PDZD2: variants seen among roughly 807,000 people sequenced by gnomAD.
The protein encoded by PDZD2 is PDZ domain containing 2, also known as PDZ domain-containing protein 2.
PDZD2 carries 90 observed loss-of-function variants against 220.7 expected under a neutral mutation model. The observed-to-expected ratio is 0.41, with a 90% CI of 0.34 to 0.49. The LOEUF (loss-of-function observed/expected upper bound fraction) is 0.49. Among genes scored for constraint, PDZD2 ranks in the 20% least tolerant of loss-of-function variants. The pLI is 0.28. For synonymous variants in PDZD2, 1,375 were observed against 1,450.5 expected, an observed-to-expected ratio of 0.95 and a Z score of 1.18; for missense variants, 3,174 against 3,608.5, an observed-to-expected ratio of 0.88 and a Z score of 3.08.
chr5:31,705,553 C>G (rs963991660), intron 1 of PDZD2, among the ~76,000 whole-genome samples: 2 of 152,106 alleles, frequency 1.3e-5, no homozygotes, highest in Middle Eastern at 3.2e-3. Context: ...GTAACTCCAT[C>G]TAATTATTGT....
chr5:32,003,177 TACACCAC>T (rs1752438180), intron 5 of PDZD2, among the ~76,000 whole-genome samples: 1 of 30,560 alleles, frequency 3.3e-5, no homozygotes, highest in South Asian at 1.3e-3. Context: ...CCACACACCA[TACACCAC>T]ACACACACTA....
intron 2 of PDZD2, among the ~76,000 whole-genome samples, chr5:31,980,166 C>T (rs1220153540): frequency 6.6e-6 from 1 of 152,106 alleles, no homozygotes; most frequent in East Asian, 1.9e-4. Context: ...TTTCCTTCAC[C>T]CCCACAAAAC....
chr5:32,051,445 T>C (rs926039479), intron 8 of PDZD2, among the ~76,000 whole-genome samples: 1 of 152,236 alleles, frequency 6.6e-6, no homozygotes, highest in Non-Finnish European at 1.5e-5. Flanking sequence ...GAATGTAGTA[T>C]ACACAGAGAT....
At chr5:31,759,728 T>G (rs1194181234) in intron 1 of PDZD2, among the ~76,000 whole-genome samples, 1 of 151,928 alleles carries the variant, frequency 6.6e-6, no homozygotes, top group Non-Finnish European at 1.5e-5. Flanking sequence ...GTATTTTTAG[T>G]AGAGACGGGT....
intron 5 of PDZD2, among the ~76,000 whole-genome samples, chr5:32,009,114 G>A (rs2112072666): frequency 6.6e-6 from 1 of 152,264 alleles, no homozygotes; most frequent in South Asian, 2.1e-4. Context: ...GGAAGCCAAG[G>A]CAGGCAGATC....
intron 2 of PDZD2, among the ~76,000 whole-genome samples, chr5:31,859,659 T>C (rs1737500456): frequency 6.6e-6 from 1 of 152,190 alleles, no homozygotes; most frequent in Admixed American, 6.5e-5. Context: ...TTGTTTGCTT[T>C]TGGTTTTTAA....
intron 2 of PDZD2, chr5:31,848,062 C>G (rs62360845): frequency 2.8e-6 from 1 of 361,668 alleles, no homozygotes; most frequent in Non-Finnish European, 5.3e-6. Context: ...AGAGGTGGAA[C>G]TATCCCAAAA....
Position 32,087,601 on chromosome 5 carries a change from G to T in PDZD2, c.4153G>T (p.Val1385Leu), listed in dbSNP as rs371289704. The change falls in exon 20 of 25, where the codon GTG becomes TTG. Residue 1385 changes from valine to leucine, a missense_variant. Around this residue, in one of 4 missense-constraint regions of PDZD2, gnomAD observed 1,861 missense variants for 2,001.0 expected, o/e 0.93. Coordinates refer to ENST00000438447, the MANE Select transcript of PDZD2 (RefSeq NM_178140.4). The surrounding 1 kb of genome is among the most constrained non-coding windows in gnomAD (Gnocchi z 4.0). The part of the protein sequence containing the change: ...EPSLLEGADS[V>L]SSRAPQASLS... ...TTCCCTGCTGGAGGGAGCAGATTCT[G>T]TGTCCTCAAGGGCACCGCAGGCCAG... 2 of 1,614,132 alleles carry T rather than the reference G, an allele frequency of 1.2e-6. No homozygotes were observed. The highest frequency in any genetic ancestry group is 1.7e-6 in the Non-Finnish European group (2 of 1,180,002).
intron 6 of PDZD2, among the ~76,000 whole-genome samples, chr5:32,016,379 G>T (rs551073947): frequency 1.3e-5 from 2 of 152,196 alleles, no homozygotes; most frequent in Non-Finnish European, 2.9e-5. Context: ...TTGTTTCGGG[G>T]TTGACCTGGT....
At chr5:32,102,156 C>T (rs1744307602) in intron 24 of PDZD2, among the ~76,000 whole-genome samples, 1 of 151,830 alleles carries the variant, frequency 6.6e-6, no homozygotes, top group Admixed American at 6.6e-5. Context: ...AAAAAAAAAC[C>T]CCTCTATGGA....
intron 2 of PDZD2, among the ~76,000 whole-genome samples, chr5:31,949,096 T>TGA (rs1746935866): frequency 2.5e-5 from 1 of 39,830 alleles, no homozygotes; most frequent in Non-Finnish European, 4.4e-5. Context: ...AGACTCTGTC[T>TGA]CAAAAAAAAA....
chr5:31,964,615 T>C (rs566392217), intron 2 of PDZD2, among the ~76,000 whole-genome samples: 3 of 152,356 alleles, frequency 2.0e-5, no homozygotes, highest in African/African-American at 4.8e-5. Context: ...AGCTAAGTCC[T>C]GTCCATTCCT....
chr5:31,787,197 A>G (rs1315571508), intron 1 of PDZD2, among the ~76,000 whole-genome samples: 5 of 152,228 alleles, frequency 3.3e-5, no homozygotes, highest in African/African-American at 9.6e-5. Flanking sequence ...TCAATTACCT[A>G]TTCAGTAGAT....
intron 1 of PDZD2, among the ~76,000 whole-genome samples, chr5:31,786,498 A>G (rs1374240356): frequency 6.6e-6 from 1 of 152,236 alleles, no homozygotes; most frequent in Non-Finnish European, 1.5e-5. Context: ...GCACATAAAT[A>G]TAAAACCACC....
At chr5:31,803,444 A>C (rs1174864976) in intron 2 of PDZD2, among the ~76,000 whole-genome samples, 1 of 151,834 alleles carries the variant, frequency 6.6e-6, no homozygotes, top group Non-Finnish European at 1.5e-5. Flanking sequence ...GAAGGAACAG[A>C]GGAGGCAGGG....
chr5:31,986,495 A>G (rs1750730794), intron 3 of PDZD2, among the ~76,000 whole-genome samples: 1 of 152,142 alleles, frequency 6.6e-6, no homozygotes, highest in African/African-American at 2.4e-5. Flanking sequence ...GCTTTCCCCC[A>G]CATTCTGATG....
intron 2 of PDZD2, among the ~76,000 whole-genome samples, chr5:31,825,672 G>T (rs1189690039): frequency 6.6e-6 from 1 of 152,134 alleles, no homozygotes; most frequent in Non-Finnish European, 1.5e-5. Context: ...TGAATTCCCA[G>T]TGGCCTCTGG....
At chr5:31,824,841 T>A (rs1756118137) in intron 2 of PDZD2, among the ~76,000 whole-genome samples, 1 of 152,190 alleles carries the variant, frequency 6.6e-6, no homozygotes, top group African/African-American at 2.4e-5. Context: ...GAGGGAACGA[T>A]TGCAGGATCA....
intron 1 of PDZD2, among the ~76,000 whole-genome samples, chr5:31,763,006 A>T (rs1751747402): frequency 6.6e-6 from 1 of 152,210 alleles, no homozygotes; most frequent in Admixed American, 6.5e-5. Context: ...ATCAAGGTGG[A>T]GCTCAGTAGA....
Sources: allele counts gnomAD v4.1 joint callset (sites outside exome capture counted in the v4.1 genomes callset), GRCh38; gene constraint gnomAD v4.1.1; regional missense constraint gnomAD v4.1.1; non-coding constraint Gnocchi (gnomAD v3.1); transcripts MANE v1.5; gene names NCBI Gene and HGNC (gene_info 2026-07-23, HGNC 2026-07-21).